CABLES2: variants seen among roughly 807,000 people sequenced by gnomAD.
CABLES2 encodes CDK5 and ABL1 enzyme substrate 2.
Under a neutral mutation model 44.8 loss-of-function variants are expected in CABLES2, and 35 were observed. The ratio of observed to expected loss-of-function variants is 0.78; its 90% CI spans 0.60 to 1.04. CABLES2 has a LOEUF of 1.04. Among genes scored for constraint, CABLES2 ranks in the 50% least tolerant of loss-of-function variants. The pLI, the probability that CABLES2 is intolerant of heterozygous loss-of-function variation, is 0.00. For synonymous variants in CABLES2, 282 were observed against 281.1 expected, an observed-to-expected ratio of 1.00 and a Z score of -0.03; for missense variants, 566 against 615.7, an observed-to-expected ratio of 0.92 and a Z score of 0.85.
chr20:62,397,735 G>T (rs984346370), intron 1 of CABLES2, among the ~76,000 whole-genome samples: 15 of 152,246 alleles, frequency 9.9e-5, no homozygotes, highest in Non-Finnish European at 1.8e-4. Flanking sequence ...CACAGCTTAG[G>T]AGATAAGGTC....
intron 1 of CABLES2, among the ~76,000 whole-genome samples, chr20:62,397,940 G>GGCGGTGGTGGTGGTGGTGATGGCA: frequency 1.1e-5 from 1 of 87,882 alleles, no homozygotes; most frequent in African/African-American, 9.3e-5. Context: ...TGGTGGTGAT[G>GGCGGTGGTGGTGGTGGTGATGGCA]GTGGTGACGG....
rs572667832 is a variant in CABLES2, at chr20:62,391,492, G to A, written c.1092-39C>T. On this transcript the variant is annotated intron_variant, in intron 8 of 9. Transcript: ENST00000279101. The surrounding 1 kb of genome is among the most constrained non-coding windows in gnomAD (Gnocchi z 5.7). The stretch of plus-strand genomic sequence containing the variant: ...CAGAAGCCATGTCCCTGGGGGCTCT[G>A]GCTGGGGCTGAGGAGGCAGCCCCCT... The A allele has an allele frequency of 1.4e-5, 22 of 1,602,196 alleles. 1 individual carries two copies. The South Asian group carries it at 2.3e-4, about 17-fold the overall frequency.
rs1987907444 is a variant in CABLES2, at chr20:62,391,081, G to A, written c.1327C>T (p.Arg443Cys). Residue 443 changes from arginine (R) to cysteine (C), a missense_variant, in exon 10 of 10, where the codon CGC becomes TGC. Transcript: ENST00000279101. The surrounding 1 kb of genome is among the most constrained non-coding windows in gnomAD (Gnocchi z 5.7). Reference protein sequence around the residue: ...KLEERFRFNRRDLIGFEFTVL... With the variant: ...KLEERFRFNRCDLIGFEFTVL... ...GTGAACTCAAACCCTATCAGGTCGCGCCTGTTGAATCGAAACCTTTCTTCT... is the reference window on the plus strand; with the variant it reads ...GTGAACTCAAACCCTATCAGGTCGCACCTGTTGAATCGAAACCTTTCTTCT... 24 of 1,614,022 alleles carry A rather than the reference G, an allele frequency of 1.5e-5. No individual in the cohort carries two copies. The highest frequency in any genetic ancestry group is 1.9e-5 in the Non-Finnish European group (23 of 1,180,040).
chr20:62,401,930 A>ACGAGGCCCTCGG (rs1371612796), intron 1 of CABLES2, among the ~76,000 whole-genome samples: 1 of 152,242 alleles, frequency 6.6e-6, no homozygotes, highest in African/African-American at 2.4e-5. Flanking sequence ...AGCAGAAAGA[A>ACGAGGCCCTCGG]CGAGGCCCTC....
intron 1 of CABLES2, among the ~76,000 whole-genome samples, chr20:62,401,889 C>T (rs975330313): frequency 1.4e-4 from 22 of 152,362 alleles, no homozygotes; most frequent in South Asian, 4.1e-4. Context: ...CAGACCCCTC[C>T]GTCCAAAACA....
Position 62,396,012 on chromosome 20 carries a change from G to A in CABLES2, c.527+303C>T, listed in dbSNP as rs2379124. Among the ~76,000 whole-genome samples the A allele has an allele frequency of 4.6e-5, 7 of 152,198 alleles. No homozygotes were observed. The highest frequency in any genetic ancestry group is 1.9e-4 in the East Asian group (1 of 5,198). On this transcript the variant is annotated intron_variant, in intron 3 of 9. Coordinates refer to ENST00000279101, the MANE Select transcript of CABLES2 (RefSeq NM_031215.3). This position sits in a 1 kb window ranked among gnomAD's most constrained non-coding sequence, Gnocchi z 5.7. ...CCCCACACATCTCACAGCCACACCC[G>A]TTTCTGTGTCTCCAGTTTTCCTTCA...
rs1987944977 is a variant in CABLES2 at position 62,392,872 on chromosome 20, G to A, written c.984+48C>T. 9 of 1,543,482 alleles carry A rather than the reference G, an allele frequency of 5.8e-6. No homozygotes were observed. The African/African-American group carries it at 6.8e-5, about 12-fold the overall frequency. On this transcript the variant is annotated intron_variant, in intron 7 of 9. Coordinates refer to ENST00000279101, the MANE Select transcript of CABLES2 (RefSeq NM_031215.3). ...GCCTGCCCCACACGCCCCGAGCCAG[G>A]ACAGGTGTGCAGCTGCCTGCACCCA...
At chr20:62,405,202 G>C (rs1357683643) in intron 1 of CABLES2, 3 of 152,482 alleles carry the variant, frequency 2.0e-5, no homozygotes, top group Middle Eastern at 3.4e-3. Context: ...TCAAACAACA[G>C]GGCCCGGGGT....
At chr20:62,399,629 T>TGTG (rs1988152746) in intron 1 of CABLES2, among the ~76,000 whole-genome samples, 1 of 138,484 alleles carries the variant, frequency 7.2e-6, no homozygotes, top group Non-Finnish European at 1.5e-5. Flanking sequence ...AGTCTCACTC[T>TGTG]GTGGCCCAGT....
chr20:62,407,118 G>T lies in CABLES2; in HGVS notation c.159C>A (p.Asn53Lys). The change falls in exon 1 of 10, where the codon AAC becomes AAA. Residue 53 changes from asparagine (N) to lysine (K), a missense_variant. By Grantham distance (94) the Asn-to-Lys change is moderately conservative. Transcript: ENST00000279101. ...GGGGCCGCCCGTCCAGGGAGATGTT[G>T]TTGAGGAAGAAAAGCGCGGCCTGGC... ...RRRQAALFFL[N>K]NISLDGRPPS... is the part of the protein sequence containing the mutation. 9.6e-7 allele frequency: 1 copy of T among 1,039,450 alleles called. No homozygotes were observed. Among genetic ancestry groups the T allele is most frequent in the Non-Finnish European group, 1.2e-6 (1 of 863,362 alleles). 64.4% of individuals were successfully genotyped at this position (1,039,450 alleles called of 1,614,324 possible).
intron 1 of CABLES2, among the ~76,000 whole-genome samples, chr20:62,398,094 G>GTGA (rs1569017572): frequency 3.6e-4 from 50 of 139,030 alleles, no homozygotes; most frequent in Middle Eastern, 3.6e-3. Context: ...GGTGACGGTG[G>GTGA]TGGTGGTGGT....
At chr20:62,401,952 C>T (rs1177122152) in intron 1 of CABLES2, among the ~76,000 whole-genome samples, 1 of 152,268 alleles carries the variant, frequency 6.6e-6, no homozygotes, top group South Asian at 2.1e-4. Context: ...GCAAGGCCCA[C>T]GCCCCACACC....
chr20:62,400,528 A>C (rs879549569), intron 1 of CABLES2, among the ~76,000 whole-genome samples: 1 of 152,118 alleles, frequency 6.6e-6, no homozygotes, highest in Non-Finnish European at 1.5e-5. Context: ...GTCCCCAGAG[A>C]GGTGTTTGTG....
intron 8 of CABLES2, among the ~76,000 whole-genome samples, chr20:62,392,079 GAGGGGCCGGGCACAAC>G (rs1001804152): frequency 1.3e-5 from 2 of 152,092 alleles, no homozygotes; most frequent in Non-Finnish European, 2.9e-5. Flanking sequence ...CACACACTGG[GAGGGGCCGGGCACAAC>G]AGAGGCCTTG....
At chr20:62,404,655 C>G (rs1459043999) in intron 1 of CABLES2, 1 of 152,410 alleles carries the variant, frequency 6.6e-6, no homozygotes, top group African/African-American at 2.4e-5. Flanking sequence ...AGGTCAGCAC[C>G]ACGAACTTGG....
intron 1 of CABLES2, among the ~76,000 whole-genome samples, chr20:62,397,972 C>CGGT (rs1569017249): frequency 7.7e-4 from 40 of 51,694 alleles, no homozygotes; most frequent in African/African-American, 1.7e-3. Context: ...ATGGTGGTGA[C>CGGT]AGTGGTGATG....
chr20:62,399,240 A>ACGCCCGGCCTG (rs1988142625), intron 1 of CABLES2, among the ~76,000 whole-genome samples: 6 of 148,944 alleles, frequency 4.0e-5, no homozygotes, highest in East Asian at 2.0e-4. Flanking sequence ...GTGAGCCACC[A>ACGCCCGGCCTG]TATTTTATTT....
In CABLES2 at chr20:62,407,015, C is replaced by CCGGCGG. The variant is rs1040478010; in HGVS notation, c.256_261dup (p.Pro86_Pro87dup). 4 of 1,171,350 alleles carry CCGGCGG rather than the reference C, an allele frequency of 3.4e-6. No homozygotes were observed. Among genetic ancestry groups the CCGGCGG allele is most frequent in the Admixed American group, 4.6e-5 (1 of 21,630 alleles). 72.6% of individuals were successfully genotyped at this position (1,171,350 alleles called of 1,614,324 possible). On this transcript the variant is annotated inframe_insertion, in exon 1 of 10. Coordinates refer to ENST00000279101, the MANE Select transcript of CABLES2 (RefSeq NM_031215.3). ...CTGGCGGGCAGCCCGGTGGGGGGCT[C>CCGGCGG]CGGCGGCGGCGGCGCTGGCGGTTCG...
chr20:62,396,384 G>C lies in CABLES2; in HGVS notation c.458C>G (p.Pro153Arg). The C allele has an allele frequency of 6.2e-7, 1 of 1,613,982 alleles. No individual in the cohort carries two copies. The highest frequency in any genetic ancestry group is 8.5e-7 in the Non-Finnish European group (1 of 1,179,972). ...AQRTKHTSGSPRHKGLKKTHF... is the reference protein window; with the variant it reads ...AQRTKHTSGSRRHKGLKKTHF... ...GGTCTTCTTCAGGCCTTTATGTCTC[G>C]GTGATCCAGATGTGTGTTTGGTTCT... Residue 153 changes from proline (P) to arginine (R), a missense_variant, in exon 3 of 10, where the codon CCG becomes CGG. Pro to Arg is a moderately radical substitution (Grantham distance 103). Transcript: ENST00000279101. This position sits in a 1 kb window ranked among gnomAD's most constrained non-coding sequence, Gnocchi z 5.7.
Sources: allele counts gnomAD v4.1 joint callset (sites outside exome capture counted in the v4.1 genomes callset), GRCh38; gene constraint gnomAD v4.1.1; non-coding constraint Gnocchi (gnomAD v3.1); transcripts MANE v1.5; gene names NCBI Gene and HGNC (gene_info 2026-07-23, HGNC 2026-07-21).